The following ZNF710 variants were observed in gnomAD, a reference collection of about 807,000 sequenced individuals.
ZNF710 encodes zinc finger protein 710.
Under a neutral mutation model 50.6 loss-of-function variants are expected in ZNF710, and 13 were observed. The ratio of observed to expected loss-of-function variants is 0.26; its 90% CI spans 0.17 to 0.41. The LOEUF (loss-of-function observed/expected upper bound fraction) is 0.41. ZNF710 is among the 10% of genes least tolerant of loss of function. The pLI is 1.00. For missense variants in ZNF710, 721 were observed against 936.6 expected (o/e 0.77, Z 3.01); for synonymous variants, 383 against 397.0 (o/e 0.96, Z 0.42).
chr15:90,071,553 A>G (rs1415368726), intron 2 of ZNF710, among the ~76,000 whole-genome samples: 4 of 152,162 alleles, frequency 2.6e-5, no homozygotes, highest in African/African-American at 9.7e-5. Context: ...ATACCAAACA[A>G]GCAGTTAAGA....
chr15:90,063,587 T>C (rs1900078116), intron 1 of ZNF710, among the ~76,000 whole-genome samples: 1 of 152,126 alleles, frequency 6.6e-6, no homozygotes, highest in Non-Finnish European at 1.5e-5. Context: ...CAGACGCACC[T>C]TCTCAAGTCC....
At chr15:90,021,664 AG>A (rs1898626556) in intron 1 of ZNF710, among the ~76,000 whole-genome samples, 1 of 152,200 alleles carries the variant, frequency 6.6e-6, no homozygotes, top group Admixed American at 6.5e-5. Flanking sequence ...CCAGTCCAGA[AG>A]GGGTACTAGA....
At chr15:90,017,974 AG>A (rs147466263) in intron 1 of ZNF710, among the ~76,000 whole-genome samples, 4,669 of 151,804 alleles carry the variant, frequency 0.031, 259 homozygotes, top group African/African-American at 0.11. Flanking sequence ...CTCTTAGCAA[AG>A]GCTAGCTTCT....
At chr15:90,052,223 A>C (rs538346522) in intron 1 of ZNF710, among the ~76,000 whole-genome samples, 1 of 152,042 alleles carries the variant, frequency 6.6e-6, no homozygotes, top group Non-Finnish European at 1.5e-5. Flanking sequence ...CTGAAGACCT[A>C]GGGCCCCTTT....
At chr15:90,022,247 A>G (rs1483339748) in intron 1 of ZNF710, among the ~76,000 whole-genome samples, 1 of 149,700 alleles carries the variant, frequency 6.7e-6, no homozygotes, top group East Asian at 2.0e-4. Flanking sequence ...GTGGTGGTGC[A>G]TGCCTGTAAT....
At chr15:90,033,941 C>G (rs1899025955) in intron 1 of ZNF710, among the ~76,000 whole-genome samples, 1 of 152,188 alleles carries the variant, frequency 6.6e-6, no homozygotes, top group South Asian at 2.1e-4. Context: ...GTGGCTCATG[C>G]CTGTAATCCC....
upstream of ZNF710, among the ~76,000 whole-genome samples, chr15:89,998,464 C>T (rs901746782): frequency 3.3e-5 from 5 of 152,224 alleles, no homozygotes; most frequent in African/African-American, 9.6e-5. Flanking sequence ...CCATCTTGAT[C>T]GGATGTGGTG....
intron 1 of ZNF710, among the ~76,000 whole-genome samples, chr15:90,037,862 C>G (rs1872591880): frequency 6.6e-6 from 1 of 152,210 alleles, no homozygotes; most frequent in Non-Finnish European, 1.5e-5. Flanking sequence ...AATACGGTCG[C>G]TAGGCTTCCA....
At chr15:90,017,584 T>A (rs892433594) in intron 1 of ZNF710, among the ~76,000 whole-genome samples, 1 of 152,042 alleles carries the variant, frequency 6.6e-6, no homozygotes, top group Non-Finnish European at 1.5e-5. Context: ...GGGCCTGAGC[T>A]GGCATGTCCA....
chr15:90,030,684 G>T (rs1898913492), intron 1 of ZNF710, among the ~76,000 whole-genome samples: 1 of 151,882 alleles, frequency 6.6e-6, no homozygotes, highest in Non-Finnish European at 1.5e-5. Flanking sequence ...GTAGGAAAGA[G>T]CTGTATCTGT....
chr15:90,054,821 G>A (rs921802843), intron 1 of ZNF710, among the ~76,000 whole-genome samples: 1 of 152,200 alleles, frequency 6.6e-6, no homozygotes, highest in Non-Finnish European at 1.5e-5. Flanking sequence ...TTGGAGGAAA[G>A]ATATGGAGCC....
At chr15:90,023,342 C>G (rs76896989) in intron 1 of ZNF710, among the ~76,000 whole-genome samples, 5,303 of 152,308 alleles carry the variant, frequency 0.035, 328 homozygotes, top group African/African-American at 0.12. Context: ...CATTTCCATT[C>G]TCCTTGCACA....
Position 90,067,310 on chromosome 15 carries a change from A to G in ZNF710, c.173A>G (p.Glu58Gly). 1 of 1,609,206 alleles carries G rather than the reference A, an allele frequency of 6.2e-7. No individual in the cohort carries two copies. The highest frequency in any genetic ancestry group is 1.1e-5 in the South Asian group (1 of 90,416). ...GAGCTTTCAGGGGCAGCCATGGGAG[A>G]GCCCGAGCCACCAGGCCCCGACGTC... Reference protein sequence around the residue: ...GPELSGAAMGEPEPPGPDVYQ... With the variant: ...GPELSGAAMGGPEPPGPDVYQ... Residue 58 changes from glutamate (E) to glycine (G), a missense_variant, in exon 2 of 5, where the codon GAG becomes GGG. Physicochemically the swap from Glu to Gly is moderately conservative, Grantham distance 98. Coordinates refer to ENST00000268154, the MANE Select transcript of ZNF710 (RefSeq NM_198526.4). The surrounding 1 kb of genome is among the most constrained non-coding windows in gnomAD (Gnocchi z 8.1).
intron 1 of ZNF710, among the ~76,000 whole-genome samples, chr15:90,042,176 C>T (rs542641980): frequency 6.6e-6 from 1 of 152,098 alleles, no homozygotes; most frequent in Non-Finnish European, 1.5e-5. Flanking sequence ...GGATTACAGG[C>T]GAGAGCCACC....
chr15:90,068,088 C>T lies in ZNF710; in HGVS notation c.951C>T (p.His317=). The change falls in exon 2 of 5, where the codon CAC becomes CAT. Residue 317 remains histidine (H), a synonymous_variant. Coordinates refer to ENST00000268154, the MANE Select transcript of ZNF710 (RefSeq NM_198526.4). The surrounding 1 kb of genome is among the most constrained non-coding windows in gnomAD (Gnocchi z 5.0). The stretch of plus-strand genomic sequence containing the variant: ...ACCTGGTGACGCACATCCTGGGCCA[C>T]AACGGCATCAAGCCACACTCGTGCC... ...KYNLVTHILG[H]NGIKPHSCPH... The T allele has an allele frequency of 2.5e-6, 4 of 1,614,260 alleles. No homozygotes were observed. Among genetic ancestry groups the T allele is most frequent in the Non-Finnish European group, 3.4e-6 (4 of 1,180,052 alleles).
upstream of ZNF710, among the ~76,000 whole-genome samples, chr15:89,998,399 TG>T (rs1897960925): frequency 6.6e-6 from 1 of 152,232 alleles, no homozygotes; most frequent in Non-Finnish European, 1.5e-5. Flanking sequence ...CTGATCAGGC[TG>T]GGCCTTGATA....
chr15:90,042,206 CTT>C (rs1410918587), intron 1 of ZNF710, among the ~76,000 whole-genome samples: 2 of 152,080 alleles, frequency 1.3e-5, no homozygotes, highest in African/African-American at 4.8e-5. Context: ...CCCTGTGCCT[CTT>C]TGTATTTTCC....
At position 90,068,176 on chromosome 15, in the gene ZNF710, G is replaced by A. The variant is rs1567242344; in HGVS notation, c.1039G>A (p.Gly347Ser). 6.2e-7 allele frequency: 1 copy of A among 1,613,976 alleles called. No homozygotes were observed. The change falls in exon 2 of 5, where the codon GGC (glycine) becomes AGC (serine). Residue 347 changes from glycine (G) to serine (S), a missense_variant. Around this residue, in one of 3 missense-constraint regions of ZNF710, gnomAD observed 326 missense variants for 522.0 expected, o/e 0.62. Transcript: ENST00000268154. The surrounding 1 kb of genome is among the most constrained non-coding windows in gnomAD (Gnocchi z 5.0). ...GCAGACGCACCTGCTGACGCACCAG[G>A]GCACCCGGCCCCACAAGTGCCAGGT... ...HLQTHLLTHQ[G>S]TRPHKCQVCH... is the part of the protein sequence containing the mutation.
chr15:90,051,011 G>A (rs1899625642), intron 1 of ZNF710, among the ~76,000 whole-genome samples: 1 of 152,024 alleles, frequency 6.6e-6, no homozygotes, highest in African/African-American at 2.4e-5. Flanking sequence ...GGCCGAGGTG[G>A]GCGGATCACT....
Sources: gnomAD v4.1 joint callset for allele counts (sites outside exome capture counted in the v4.1 genomes callset) on GRCh38, gnomAD v4.1.1 for gene constraint, gnomAD v4.1.1 regional missense constraint, Gnocchi (gnomAD v3.1) non-coding constraint, MANE v1.5 for transcripts, NCBI Gene and HGNC (gene_info 2026-07-23, HGNC 2026-07-21) for gene names.